ZNF385D: variants seen among roughly 807,000 people sequenced by gnomAD.
ZNF385D encodes the protein zinc finger protein 385D, also known as zinc finger protein 659.
A neutral mutation model predicts 35.8 loss-of-function variants in ZNF385D; 15 were observed. That is an observed-to-expected ratio of 0.42 (90% CI 0.28 to 0.64). ZNF385D has a LOEUF of 0.64. Among genes scored for constraint, ZNF385D ranks in the 30% least tolerant of loss-of-function variants. The probability of loss-of-function intolerance (pLI) is 0.23; values close to 1 mark genes in which losing one functional copy is unlikely to be tolerated. For synonymous variants in ZNF385D, 212 were observed against 186.8 expected, an observed-to-expected ratio of 1.13 and a Z score of -1.10; for missense variants, 474 against 494.6, an observed-to-expected ratio of 0.96 and a Z score of 0.39.
chr3:22,088,885 C>G (rs778169144), intron 3 of ZNF385D, among the ~76,000 whole-genome samples: 5 of 151,942 alleles, frequency 3.3e-5, no homozygotes, highest in Non-Finnish European at 7.4e-5. Context: ...ACCTAAATAG[C>G]ATCAAGAGAA....
At chr3:21,561,059 C>T (rs2062926970) in intron 3 of ZNF385D, among the ~76,000 whole-genome samples, 1 of 152,222 alleles carries the variant, frequency 6.6e-6, no homozygotes, top group Non-Finnish European at 1.5e-5. Context: ...AATTTCAAGC[C>T]CGTGGATCTT....
chr3:21,826,743 C>T (rs977848568), intron 3 of ZNF385D, among the ~76,000 whole-genome samples: 3 of 150,092 alleles, frequency 2.0e-5, no homozygotes, highest in South Asian at 2.1e-4. Flanking sequence ...TAAATGACAG[C>T]AGAAGGAAAG....
chr3:22,232,510 G>C (rs1698953879), intron 2 of ZNF385D, among the ~76,000 whole-genome samples: 1 of 151,978 alleles, frequency 6.6e-6, no homozygotes, highest in Non-Finnish European at 1.5e-5. Flanking sequence ...ACCTATATTA[G>C]GTATTTCTCC....
chr3:21,486,473 T>C lies in ZNF385D; in HGVS notation c.439+24388A>G, dbSNP rs551415918. 9.2e-5 allele frequency among the ~76,000 whole-genome samples: 14 copies of C among 152,250 alleles called. No homozygotes were observed. The South Asian group carries it at 1.7e-3, about 18-fold the overall frequency. On this transcript the variant is annotated intron_variant, in intron 4 of 7. Coordinates refer to ENST00000281523, the MANE Select transcript of ZNF385D (RefSeq NM_024697.3). The stretch of plus-strand genomic sequence containing the variant: ...ACAAAGTGCATACTGTCCATTTCTC[T>C]GAATAGGATGCCATGTTATCAAAAG...
intron 5 of ZNF385D, among the ~76,000 whole-genome samples, chr3:21,427,267 A>G (rs1420178664): frequency 2.0e-5 from 3 of 152,252 alleles, no homozygotes; most frequent in Non-Finnish European, 4.4e-5. Context: ...ATCCTAACAG[A>G]TGATTTTATA....
At chr3:22,159,770 A>C (rs185937764) in intron 3 of ZNF385D, among the ~76,000 whole-genome samples, 2 of 152,252 alleles carry the variant, frequency 1.3e-5, no homozygotes, top group Non-Finnish European at 2.9e-5. Context: ...GTCAAACAAG[A>C]ATACAGTGTC....
At chr3:21,751,383 C>CG, upstream of ZNF385D, 1 of 1,015,060 alleles carries the variant, frequency 9.9e-7, no homozygotes, top group South Asian at 4.0e-5. Flanking sequence ...TCTCTTAAAG[C>CG]GAGAAGAGTG....
intron 3 of ZNF385D, among the ~76,000 whole-genome samples, chr3:22,075,627 TA>T (rs1700426973): frequency 6.6e-6 from 1 of 151,904 alleles, no homozygotes; most frequent in Non-Finnish European, 1.5e-5. Context: ...TACTAAAGTT[TA>T]AAGATCTTGA....
chr3:22,230,502 A>G lies in ZNF385D; in HGVS notation c.107-61467T>C, dbSNP rs533453757. Reference sequence around the variant, plus strand: ...TTCTTTAATGAAGGATTCCACTCCAAGGTCATCAGACACCCCTCCCTCTAT... The same window carrying G: ...TTCTTTAATGAAGGATTCCACTCCAGGGTCATCAGACACCCCTCCCTCTAT... On this transcript the variant is annotated intron_variant, in intron 2 of 5. Coordinates refer to the ZNF385D transcript ENST00000494108. Among the ~76,000 whole-genome samples, 4 of 152,226 alleles carry G rather than the reference A, an allele frequency of 2.6e-5. No individual in the cohort carries two copies. The South Asian group carries it at 8.3e-4, about 32-fold the overall frequency.
At chr3:21,463,442 G>A (rs1703311885) in intron 4 of ZNF385D, among the ~76,000 whole-genome samples, 2 of 152,152 alleles carry the variant, frequency 1.3e-5, no homozygotes, top group Admixed American at 6.5e-5. Context: ...ATGCACAGTG[G>A]CACAGCGAAG....
chr3:21,637,523 G>T (rs2065483845), intron 2 of ZNF385D, among the ~76,000 whole-genome samples: 1 of 152,106 alleles, frequency 6.6e-6, no homozygotes, highest in African/African-American at 2.4e-5. Context: ...TTACAGTATA[G>T]TTTGAAGTCA....
rs1335395340 is a variant in ZNF385D, at chr3:21,776,456, C to T, written c.326-111428G>A. On this transcript the variant is annotated intron_variant, in intron 3 of 5. Transcript: ENST00000494108. ...CTGAATATCCTTTAAAAAAGAACGA[C>T]GTATGTGTGTGTTAAATCTGATACA... 2.0e-5 allele frequency among the ~76,000 whole-genome samples: 3 copies of T among 152,048 alleles called. No homozygotes were observed. In the East Asian group the frequency reaches 5.8e-4, roughly 30 times the overall value.
intron 3 of ZNF385D, among the ~76,000 whole-genome samples, chr3:21,771,242 T>TAA (rs111916347): frequency 1.4e-5 from 2 of 142,084 alleles, no homozygotes; most frequent in East Asian, 4.1e-4. Context: ...AGTATAATAA[T>TAA]AAAAAAAAAA....
chr3:21,619,232 G>C (rs1274447448), intron 2 of ZNF385D, among the ~76,000 whole-genome samples: 1 of 152,124 alleles, frequency 6.6e-6, no homozygotes, highest in Admixed American at 6.6e-5. Flanking sequence ...AAGCAGATTT[G>C]AGATTTGTTC....
chr3:21,995,021 C>G (rs1244225321), intron 3 of ZNF385D, among the ~76,000 whole-genome samples: 1 of 152,218 alleles, frequency 6.6e-6, no homozygotes, highest in African/African-American at 2.4e-5. Context: ...CCTCTTGCCT[C>G]CAGGCAACTT....
intron 2 of ZNF385D, among the ~76,000 whole-genome samples, chr3:22,283,305 C>G (rs1208335472): frequency 6.6e-6 from 1 of 152,082 alleles, no homozygotes; most frequent in Non-Finnish European, 1.5e-5. Context: ...AAACAATGGA[C>G]TTAAACTAAA....
At position 21,758,982 on chromosome 3, in the gene ZNF385D, A is replaced by AAAAAAC. The variant is rs1400229703; in HGVS notation, c.326-93955_326-93954insGTTTTT. 1.8e-3 allele frequency among the ~76,000 whole-genome samples: 250 copies of AAAAAAC among 140,290 alleles called. 12 individuals carry two copies. The highest frequency in any genetic ancestry group is 6.7e-3 in the African/African-American group (236 of 35,128). 92.0% of individuals were successfully genotyped at this position (140,290 alleles called of 152,430 possible). ...AACCATCATCATCACTGGCAAAAAAAAAAAAAAAAAAAAAAAAAAAAAAAC... is the reference window on the plus strand; with the variant it reads ...AACCATCATCATCACTGGCAAAAAAAAAAAACAAAAAAAAAAAAAAAAAAAAAAAAC... On this transcript the variant is annotated intron_variant, in intron 3 of 5. Transcript: ENST00000494108.
chr3:21,953,019 T>C (rs1216179436), intron 3 of ZNF385D, among the ~76,000 whole-genome samples: 2 of 151,982 alleles, frequency 1.3e-5, no homozygotes, highest in Non-Finnish European at 2.9e-5. Flanking sequence ...AAAATCAAGA[T>C]TGCAGGTATC....
chr3:21,710,823 A>G (rs2068072808), intron 1 of ZNF385D, among the ~76,000 whole-genome samples: 1 of 152,164 alleles, frequency 6.6e-6, no homozygotes, highest in Non-Finnish European at 1.5e-5. Context: ...ATGCATTACT[A>G]CATGAGCTAG....
Sources: allele counts gnomAD v4.1 joint callset (sites outside exome capture counted in the v4.1 genomes callset), GRCh38; gene constraint gnomAD v4.1.1; transcripts MANE v1.5; gene names NCBI Gene and HGNC (gene_info 2026-07-23, HGNC 2026-07-21).